The following KIFC2 variants were observed in gnomAD, a reference collection of about 807,000 sequenced individuals.
KIFC2 encodes the protein kinesin-like protein KIFC2.
A neutral mutation model predicts 91.5 loss-of-function variants in KIFC2; 94 were observed. The ratio of observed to expected loss-of-function variants is 1.03; its 90% CI spans 0.87 to 1.22. The LOEUF is 1.22. KIFC2 is among the 50% of genes most tolerant of loss of function. The probability of loss-of-function intolerance (pLI) is 0.00; values close to 1 mark genes in which losing one functional copy is unlikely to be tolerated. For synonymous variants in KIFC2, 729 were observed against 503.9 expected (o/e 1.45, Z -5.98); for missense variants, 1,357 against 1,103.3 (o/e 1.23, Z -3.26).
At chr8:144,468,277 G>A (rs538888955) in intron 7 of KIFC2, 52 bp from the exon 8 acceptor site, 3 of 1,488,266 alleles carry the variant, frequency 2.0e-6, no homozygotes, top group Middle Eastern at 3.4e-4. Context: ...CTGTGAAATG[G>A]TACCACAGAC....
chr8:144,472,379 G>A lies in KIFC2; in HGVS notation c.1626G>A (p.Gly542=), dbSNP rs1218456992. The A allele has an allele frequency of 6.2e-7, 1 of 1,613,166 alleles. No individual in the cohort carries two copies. Among genetic ancestry groups the A allele is most frequent in the African/African-American group, 1.3e-5 (1 of 74,904 alleles). ...TCACCAGGGACCTCCTTGCTCCAGG[G>A]CCTCCCGAGCGCCTGGCCGTGAGGC... ...NEAVRDLLAP[G]PPERLAVRQG... is the part of the protein sequence containing the mutation. The change falls in exon 15 of 18, where the codon GGG becomes GGA. Residue 542 remains glycine, a synonymous_variant. Transcript: ENST00000645548.
chr8:144,468,923 C>A, intron 10 of KIFC2, 89 bp downstream of exon 10: 1 of 1,095,596 alleles, frequency 9.1e-7, no homozygotes, highest in Non-Finnish European at 1.4e-6. Flanking sequence ...GTTGGCTGTA[C>A]TAATAAGTGG....
rs1282295292 is a variant in KIFC2 at position 144,472,348 on chromosome 8, CCT to C, written c.1608-12_1608-11del. On this transcript the variant is annotated splice_polypyrimidine_tract_variant and intron_variant, in intron 14 of 17. Coordinates refer to ENST00000645548, the MANE Select transcript of KIFC2 (RefSeq NM_001369769.2). ...GAGAATTCTGGAACCAAGACCTTCC[CCT>C]TTCTCACCAGGGACCTCCTTGCTCC... 1 of 1,613,512 alleles carries C rather than the reference CCT, an allele frequency of 6.2e-7. No individual in the cohort carries two copies. Among genetic ancestry groups the C allele is most frequent in the Non-Finnish European group, 8.5e-7 (1 of 1,180,000 alleles).
At position 144,468,387 on chromosome 8, in the gene KIFC2, C is replaced by T. The variant is rs772361475; in HGVS notation, c.869C>T (p.Thr290Ile). 4 of 1,612,836 alleles carry T rather than the reference C, an allele frequency of 2.5e-6. No homozygotes were observed. Among genetic ancestry groups the T allele is most frequent in the Non-Finnish European group, 3.4e-6 (4 of 1,179,908 alleles). Residue 290 changes from threonine to isoleucine, a missense_variant, in exon 8 of 18, where the codon ACA becomes ATA. Physicochemically the swap from Thr to Ile is moderately conservative, Grantham distance 89 (BLOSUM62 -1). Transcript: ENST00000645548. ...QGRLQEAQDT[T>I]EALRAQLGVQ... ...CGGCTTCAGGAGGCCCAAGACACCACAGAAGCCCTCCGAGCCCAGGTGGGC... is the reference window on the plus strand; with the variant it reads ...CGGCTTCAGGAGGCCCAAGACACCATAGAAGCCCTCCGAGCCCAGGTGGGC...
chr8:144,470,835 A>G (rs1370269978), intron 12 of KIFC2, among the ~76,000 whole-genome samples: 2 of 152,262 alleles, frequency 1.3e-5, no homozygotes, highest in Non-Finnish European at 2.9e-5. Flanking sequence ...CACTGCCACA[A>G]GTGTTCACAG....
intron 13 of KIFC2, 23 bp from the exon 14 acceptor site, chr8:144,472,115 T>G: frequency 6.2e-7 from 1 of 1,612,934 alleles, no homozygotes; most frequent in South Asian, 1.1e-5. Context: ...GTGAGCCCGG[T>G]GTGCACCCCA....
chr8:144,470,843 C>G (rs747754620), intron 12 of KIFC2, among the ~76,000 whole-genome samples: 7 of 152,262 alleles, frequency 4.6e-5, no homozygotes, highest in Non-Finnish European at 7.3e-5. Context: ...CAAGTGTTCA[C>G]AGCAGGTGCC....
In KIFC2 at chr8:144,469,661, T is replaced by C; in HGVS notation, c.1380+14T>C. On this transcript the variant is annotated intron_variant, in intron 12 of 17. Coordinates refer to ENST00000645548, the MANE Select transcript of KIFC2 (RefSeq NM_001369769.2). ...AGCCAGGAGGAGGTGACAGCCTGCC[T>C]TTGCAGCCATCCTGACCCTTTTTCA... The C allele has an allele frequency of 6.3e-7, 1 of 1,579,628 alleles. No homozygotes were observed. The highest frequency in any genetic ancestry group is 8.6e-7 in the Non-Finnish European group (1 of 1,165,172).
Position 144,473,608 on chromosome 8 carries a change from C to A in KIFC2, c.*219C>A. 1.6e-6 allele frequency: 1 copy of A among 638,440 alleles called. No individual in the cohort carries two copies. The highest frequency in any genetic ancestry group is 2.5e-6 in the Non-Finnish European group (1 of 403,294). 39.5% of individuals were successfully genotyped at this position (638,440 alleles called of 1,614,324 possible). ...CCCCGCCCCCAGCCCTGCATCAGGC[C>A]ACAGGTCTTGGCTTTCTCCTTATCA... On this transcript the variant is annotated 3_prime_UTR_variant, in exon 18 of 18. Coordinates refer to ENST00000645548, the MANE Select transcript of KIFC2 (RefSeq NM_001369769.2).
chr8:144,471,777 G>T (rs995159976), intron 12 of KIFC2, among the ~76,000 whole-genome samples, 165 bp from the exon 13 acceptor site: 1 of 152,138 alleles, frequency 6.6e-6, no homozygotes, highest in Admixed American at 6.5e-5. Flanking sequence ...TAGGGAGACA[G>T]AGGGTCTCTG....
intron 12 of KIFC2, 62 bp from the exon 13 acceptor site, chr8:144,471,880 C>A: frequency 1.3e-6 from 2 of 1,482,392 alleles, no homozygotes; most frequent in Non-Finnish European, 1.9e-6. Context: ...CCCACCCCAC[C>A]AAATAGGGCA....
In KIFC2 at chr8:144,473,009, G is replaced by A; in HGVS notation, c.2076G>A (p.Gln692=). ...ACTCGCAGCTCACGCGACTGCTGCA[G>A]CCGGCGCTGGGCCCAGGCACCACCG... The part of the protein sequence containing the change: ...FRDSQLTRLL[Q]PALGPGTTAV... The change falls in exon 17 of 18, where the codon CAG becomes CAA. Residue 692 remains glutamine (Q), a synonymous_variant. Coordinates refer to ENST00000645548, the MANE Select transcript of KIFC2 (RefSeq NM_001369769.2). The A allele has an allele frequency of 7.0e-7, 1 of 1,425,700 alleles. No homozygotes were observed. The highest frequency in any genetic ancestry group is 9.1e-7 in the Non-Finnish European group (1 of 1,097,288). The allele number at this position is 1,425,700 out of a possible 1,614,324, so 88.3% of individuals were successfully genotyped here.
rs1824975466 is a variant in KIFC2 at position 144,472,619 on chromosome 8, G to A, written c.1774G>A (p.Ala592Thr). Residue 592 changes from alanine to threonine, a missense_variant, in exon 16 of 18, where the codon GCC (alanine) becomes ACC (threonine). Ala to Thr is a moderately conservative substitution (Grantham distance 58). Transcript: ENST00000645548. The stretch of plus-strand genomic sequence containing the variant: ...GAGCAACCGGGCCACCGCCGCCACC[G>A]CCATGAACCAGCGCAGCTCCCGCTC... ...GRSNRATAAT[A>T]MNQRSSRSHA... 4.4e-6 allele frequency: 7 copies of A among 1,605,336 alleles called. No individual in the cohort carries two copies. The highest frequency in any genetic ancestry group is 5.9e-6 in the Non-Finnish European group (7 of 1,179,732).
In KIFC2 at chr8:144,472,252, G is replaced by A; in HGVS notation, c.1600G>A (p.Ala534Thr). ...CAGCATGGTGGAGATCTACAATGAG[G>A]CTGTCAGGTGGGCTACTCCACCAGG... ...TLSMVEIYNEAVRDLLAPGPP... is the reference protein window; with the variant it reads ...TLSMVEIYNETVRDLLAPGPP... The change falls in exon 14 of 18, where the codon GCT (alanine) becomes ACT (threonine). Residue 534 changes from alanine (A) to threonine (T), a missense_variant. Physicochemically the swap from Ala to Thr is moderately conservative, Grantham distance 58. Coordinates refer to ENST00000645548, the MANE Select transcript of KIFC2 (RefSeq NM_001369769.2). 6.2e-7 allele frequency: 1 copy of A among 1,613,360 alleles called. No homozygotes were observed.
At position 144,470,778 on chromosome 8, in the gene KIFC2, G is replaced by C. The variant is rs568427521; in HGVS notation, c.1380+1131G>C. On this transcript the variant is annotated intron_variant, in intron 12 of 17. Coordinates refer to ENST00000645548, the MANE Select transcript of KIFC2 (RefSeq NM_001369769.2). ...CCCCGTACCTGCAGGCCCTTCCTGG[G>C]GTCACGCCTTGTGAGCCAGGTACTG... 2.6e-5 allele frequency: 4 copies of C among 152,396 alleles called. No homozygotes were observed. The South Asian group carries it at 8.3e-4, about 32-fold the overall frequency. 9.4% of individuals were successfully genotyped at this position (152,396 alleles called of 1,614,324 possible). A position where few individuals can be genotyped will look rare whatever the true frequency, so the allele number is the denominator to read the frequency against.
chr8:144,470,630 C>A (rs1258058576), intron 12 of KIFC2: 1 of 152,318 alleles, frequency 6.6e-6, no homozygotes, highest in African/African-American at 2.4e-5. Context: ...GGCATAAAAG[C>A]CAGCCATGTT....
chr8:144,470,998 CTG>C (rs780205003), intron 12 of KIFC2, among the ~76,000 whole-genome samples: 57 of 152,096 alleles, frequency 3.7e-4, no homozygotes, highest in Non-Finnish European at 7.1e-4. Flanking sequence ...GAATCCCACT[CTG>C]TTGCCCAGGC....
rs746107184 is a variant in KIFC2, at chr8:144,472,834, C to A, written c.1901C>A (p.Ala634Glu). 4.5e-6 allele frequency: 7 copies of A among 1,572,006 alleles called. No homozygotes were observed. The highest frequency in any genetic ancestry group is 6.0e-6 in the Non-Finnish European group (7 of 1,169,828). The change falls in exon 17 of 18, where the codon GCA becomes GAA. Residue 634 changes from alanine to glutamate, a missense_variant. Ala to Glu is a moderately radical substitution (Grantham distance 107). Coordinates refer to ENST00000645548, the MANE Select transcript of KIFC2 (RefSeq NM_001369769.2). Reference protein sequence around the residue: ...HLVDLAGSERARKAGAAGPPR... With the variant: ...HLVDLAGSERERKAGAAGPPR... Reference sequence around the variant, plus strand: ...GTGGACCTGGCGGGATCCGAACGCGCACGGAAGGCAGGGGCGGCCGGCCCG... The same window carrying A: ...GTGGACCTGGCGGGATCCGAACGCGAACGGAAGGCAGGGGCGGCCGGCCCG...
In KIFC2 at chr8:144,467,214, C is replaced by G. The variant is rs151133054; in HGVS notation, c.342C>G (p.Val114=). The G allele has an allele frequency of 6.2e-7, 1 of 1,613,626 alleles. No individual in the cohort carries two copies. The change falls in exon 4 of 18, where the codon GTC becomes GTG. Residue 114 remains valine (V), a synonymous_variant. Coordinates refer to ENST00000645548, the MANE Select transcript of KIFC2 (RefSeq NM_001369769.2). The part of the protein sequence containing the change: ...GPADLGQSGE[V]PSLLTVTSQL... Reference sequence around the variant, plus strand: ...TGTCTCCTTCGCAGTCTGGCGAGGTCCCCTCACTGTTGACAGTGACCAGTC... The same window carrying G: ...TGTCTCCTTCGCAGTCTGGCGAGGTGCCCTCACTGTTGACAGTGACCAGTC...
Sources: gnomAD v4.1 joint callset for allele counts (sites outside exome capture counted in the v4.1 genomes callset) on GRCh38, gnomAD v4.1.1 for gene constraint, MANE v1.5 for transcripts, NCBI Gene and HGNC (gene_info 2026-07-23, HGNC 2026-07-21) for gene names.